The following ROBO2 variants were observed in gnomAD, a reference collection of about 807,000 sequenced individuals.
ROBO2 encodes the protein roundabout homolog 2.
Under a neutral mutation model 160.8 loss-of-function variants are expected in ROBO2, and 53 were observed. The ratio of observed to expected loss-of-function variants is 0.33; its 90% CI spans 0.26 to 0.41. The LOEUF is 0.41. Ranked by LOEUF, ROBO2 falls within the 10% of genes least tolerant of loss-of-function variation. The probability of loss-of-function intolerance (pLI) is 1.00; values close to 1 mark genes in which losing one functional copy is unlikely to be tolerated. For synonymous variants in ROBO2, 664 were observed against 611.7 expected, an observed-to-expected ratio of 1.09 and a Z score of -1.26; for missense variants, 1,577 against 1,722.4, an observed-to-expected ratio of 0.92 and a Z score of 1.49.
At chr3:77,312,270 A>G (rs1312522622) in intron 2 of ROBO2, among the ~76,000 whole-genome samples, 1 of 152,196 alleles carries the variant, frequency 6.6e-6, no homozygotes, top group African/African-American at 2.4e-5. Context: ...TTGTGATTAC[A>G]TATCTAGACA....
chr3:76,922,980 G>A (rs147740531), intron 2 of ROBO2, among the ~76,000 whole-genome samples: 554 of 152,268 alleles, frequency 3.6e-3, no homozygotes, highest in Non-Finnish European at 5.6e-3. Flanking sequence ...TCTTTTATCC[G>A]CTCTCAAGAG....
chr3:77,092,043 A>C (rs1296314157), intron 1 of ROBO2: 2 of 151,566 alleles, frequency 1.3e-5, no homozygotes, highest in Non-Finnish European at 1.5e-5. Flanking sequence ...TCTGTATTTT[A>C]AAGAAATATC....
chr3:77,258,622 TA>T (rs11451740), intron 2 of ROBO2, among the ~76,000 whole-genome samples: 1,705 of 119,668 alleles, frequency 0.014, 22 homozygotes, highest in African/African-American at 0.037. Context: ...GACTTTGTCT[TA>T]AAAAAAAAAA....
intron 2 of ROBO2, among the ~76,000 whole-genome samples, chr3:76,175,658 G>A (rs934987911): frequency 6.6e-6 from 1 of 152,080 alleles, no homozygotes; most frequent in African/African-American, 2.4e-5. Context: ...CTCTGGAACT[G>A]CTGGTTCCTG....
At chr3:77,642,088 C>T (rs1280652841) in intron 24 of ROBO2, among the ~76,000 whole-genome samples, 1 of 152,082 alleles carries the variant, frequency 6.6e-6, no homozygotes, top group African/African-American at 2.4e-5. Flanking sequence ...ACTCATGAAA[C>T]GAACAGCCAG....
chr3:77,614,723 A>C (rs1487110133), intron 21 of ROBO2, among the ~76,000 whole-genome samples: 3 of 122,628 alleles, frequency 2.4e-5, no homozygotes, highest in Non-Finnish European at 5.8e-5. Context: ...TCCCCCAAAA[A>C]ACCAACCAAC....
At chr3:76,829,534 C>T (rs2066886608) in intron 2 of ROBO2, among the ~76,000 whole-genome samples, 1 of 151,894 alleles carries the variant, frequency 6.6e-6, no homozygotes, top group African/African-American at 2.4e-5. Flanking sequence ...GTACGTTTTC[C>T]TCATTTTCCT....
rs62252671 is a variant in ROBO2 at position 77,369,302 on chromosome 3, C to G, written c.389-108112C>G. 7.9e-3 allele frequency among the ~76,000 whole-genome samples: 1,203 copies of G among 152,300 alleles called. 10 individuals carry two copies. The highest frequency in any genetic ancestry group is 0.012 in the Non-Finnish European group (814 of 68,032). On this transcript the variant is annotated intron_variant, in intron 2 of 25. Coordinates refer to ENST00000461745, the Ensembl canonical transcript of ROBO2. ...AGTCCTCACTCTCAGGATCATGCAT[C>G]TGTCCCCTGAATTTTGTACTTGCTA...
At chr3:76,284,297 G>A (rs967491837) in intron 2 of ROBO2, among the ~76,000 whole-genome samples, 1 of 151,886 alleles carries the variant, frequency 6.6e-6, no homozygotes, top group Non-Finnish European at 1.5e-5. Context: ...TGAGAAGCTT[G>A]CCTCTTTCAC....
intron 2 of ROBO2, among the ~76,000 whole-genome samples, chr3:76,720,214 G>C (rs752625343): frequency 6.6e-6 from 1 of 152,054 alleles, no homozygotes; most frequent in Non-Finnish European, 1.5e-5. Context: ...CATGAACCAC[G>C]AAGCAGGCCC....
chr3:76,607,387 C>A (rs1365422854), intron 2 of ROBO2, among the ~76,000 whole-genome samples: 3 of 152,196 alleles, frequency 2.0e-5, no homozygotes, highest in Non-Finnish European at 4.4e-5. Flanking sequence ...AGAAATATTT[C>A]TCAGACATTT....
chr3:76,321,855 G>C (rs978634440), intron 2 of ROBO2, among the ~76,000 whole-genome samples: 2 of 152,066 alleles, frequency 1.3e-5, no homozygotes, highest in Middle Eastern at 3.4e-3. Flanking sequence ...GCGTTACCTG[G>C]GTGACAAACT....
At chr3:76,216,129 C>T (rs1388020876) in intron 2 of ROBO2, among the ~76,000 whole-genome samples, 1 of 152,150 alleles carries the variant, frequency 6.6e-6, no homozygotes, top group African/African-American at 2.4e-5. Context: ...GTGTCACCAC[C>T]AGGCCTGCCC....
chr3:76,760,778 A>T (rs567635966), intron 2 of ROBO2, among the ~76,000 whole-genome samples: 80 of 151,938 alleles, frequency 5.3e-4, no homozygotes, highest in Admixed American at 1.8e-3. Flanking sequence ...CAAACATGAT[A>T]TAAAATTCCA....
At chr3:77,252,831 A>AAAAATATATATATATATATATATATATAT in intron 2 of ROBO2, among the ~76,000 whole-genome samples, 1 of 12,520 alleles carries the variant, frequency 8.0e-5, no homozygotes, top group African/African-American at 1.6e-4. Context: ...AAAAAAAAAA[A>AAAAATATATATATATATATATATATATAT]ATATATATAT....
chr3:76,943,717 GGT>G (rs1188579129), intron 2 of ROBO2, among the ~76,000 whole-genome samples: 11 of 152,004 alleles, frequency 7.2e-5, no homozygotes, highest in Admixed American at 4.6e-4. Context: ...TTTTTCTACT[GGT>G]TCCTTGAAAA....
At chr3:76,394,169 A>G (rs6806295) in intron 2 of ROBO2, among the ~76,000 whole-genome samples, 5,724 of 152,166 alleles carry the variant, frequency 0.038, 214 homozygotes, top group African/African-American at 0.096. Flanking sequence ...TCCTGTCATT[A>G]TGATATTAGC....
intron 2 of ROBO2, among the ~76,000 whole-genome samples, chr3:76,432,982 C>T (rs1398449790): frequency 6.6e-6 from 1 of 152,120 alleles, no homozygotes; most frequent in Non-Finnish European, 1.5e-5. Context: ...ATCATTTGTT[C>T]ACATTGGACA....
intron 16 of ROBO2, among the ~76,000 whole-genome samples, chr3:77,580,810 C>A (rs1256608158): frequency 6.6e-6 from 1 of 152,092 alleles, no homozygotes; most frequent in Non-Finnish European, 1.5e-5. Context: ...TTTCACCTGA[C>A]AGAATGAATA....
Sources: gnomAD v4.1 joint callset for allele counts (sites outside exome capture counted in the v4.1 genomes callset) on GRCh38, gnomAD v4.1.1 for gene constraint, MANE v1.5 for transcripts, NCBI Gene and HGNC (gene_info 2026-07-23, HGNC 2026-07-21) for gene names.